Variants in CCSER2 observed in about 807,000 individuals in gnomAD.
CCSER2 encodes the protein coiled-coil serine rich protein 2, also known as serine-rich coiled-coil domain-containing protein 2.
Under a neutral mutation model 92.3 loss-of-function variants are expected in CCSER2, and 46 were observed. That is an observed-to-expected ratio of 0.50 (90% confidence interval 0.39 to 0.64). The LOEUF is 0.64. Among genes scored for constraint, CCSER2 ranks in the 30% least tolerant of loss-of-function variants. The probability of loss-of-function intolerance (pLI) is 0.00; values close to 1 mark genes in which losing one functional copy is unlikely to be tolerated. For synonymous variants in CCSER2, 433 were observed against 431.4 expected (o/e 1.00, Z -0.04); for missense variants, 1,244 against 1,238.9 (o/e 1.00, Z -0.06).
intron 6 of CCSER2, 84 bp downstream of exon 6, chr10:84,438,791 C>T (rs933768887): frequency 1.3e-6 from 1 of 792,510 alleles, no homozygotes; most frequent in Non-Finnish European, 2.0e-6. Flanking sequence ...AAAATACTTA[C>T]TGGGTTTCTC....
intron 1 of CCSER2, among the ~76,000 whole-genome samples, chr10:84,365,343 TC>T (rs1181835215): frequency 6.6e-6 from 1 of 152,204 alleles, no homozygotes; most frequent in Non-Finnish European, 1.5e-5. Context: ...TGAAGCAGAC[TC>T]ACAATGTCTA....
chr10:84,394,961 T>C (rs891035763), intron 3 of CCSER2, among the ~76,000 whole-genome samples: 1 of 152,086 alleles, frequency 6.6e-6, no homozygotes, highest in African/African-American at 2.4e-5. Context: ...CGGTGGATCA[T>C]GCCTGTAATT....
chr10:84,365,557 C>T (rs191191248), intron 1 of CCSER2, among the ~76,000 whole-genome samples: 120 of 152,322 alleles, frequency 7.9e-4, no homozygotes, highest in African/African-American at 2.8e-3. Flanking sequence ...ATTTAGAAAT[C>T]GTTATTCTTC....
In CCSER2 at chr10:84,394,379, G is replaced by A. The variant is rs567667377; in HGVS notation, c.1614+20564G>A. On this transcript the variant is annotated intron_variant, in intron 3 of 9. Coordinates refer to ENST00000372088, the MANE Select transcript of CCSER2 (RefSeq NM_001284240.2). ...GCATATGCTCTTGAAATAACAAAAG[G>A]AAAGTATGTGTGTGTGTGTGTGTGT... is the stretch of plus-strand genomic sequence containing the variant. Among the ~76,000 whole-genome samples, 1,168 of 124,756 alleles carry A rather than the reference G, an allele frequency of 9.4e-3. 8 individuals carry two copies. Among genetic ancestry groups the A allele is most frequent in the South Asian group, 0.035 (135 of 3,864 alleles). The allele number at this position is 124,756 out of a possible 152,430, so 81.8% of individuals were successfully genotyped here. A position where few individuals can be genotyped will look rare whatever the true frequency, so the allele number is the denominator to read the frequency against.
chr10:84,341,541 A>C (rs1168742877), intron 1 of CCSER2, among the ~76,000 whole-genome samples: 6 of 151,978 alleles, frequency 3.9e-5, no homozygotes, highest in Non-Finnish European at 7.4e-5. Flanking sequence ...ACACCAAGCA[A>C]TTCTGACACC....
chr10:84,425,381 A>C (rs1189281432), intron 4 of CCSER2, among the ~76,000 whole-genome samples: 1 of 152,226 alleles, frequency 6.6e-6, no homozygotes, highest in Admixed American at 6.5e-5. Flanking sequence ...ATCAGAGCCA[A>C]CTTGTGACAG....
chr10:84,492,420 AG>A (rs1239937327), intron 9 of CCSER2, among the ~76,000 whole-genome samples: 1 of 152,164 alleles, frequency 6.6e-6, no homozygotes, highest in African/African-American at 2.4e-5. Context: ...ATCTGTAAAT[AG>A]TAACAGTGTT....
intron 9 of CCSER2, among the ~76,000 whole-genome samples, chr10:84,500,753 A>C (rs1221663334): frequency 6.6e-6 from 1 of 152,206 alleles, no homozygotes; most frequent in Non-Finnish European, 1.5e-5. Flanking sequence ...ACAGTCAATC[A>C]GAGGTATTTT....
chr10:84,490,247 T>C (rs926812088), intron 9 of CCSER2, among the ~76,000 whole-genome samples: 22 of 152,192 alleles, frequency 1.4e-4, no homozygotes, highest in African/African-American at 5.3e-4. Flanking sequence ...GGATTATCTT[T>C]GCGGCGTTCT....
chr10:84,381,293 A>G (rs1217125132), intron 3 of CCSER2, among the ~76,000 whole-genome samples: 2 of 152,214 alleles, frequency 1.3e-5, no homozygotes, highest in African/African-American at 4.8e-5. Context: ...CGAAGTTGGT[A>G]TTAGGCACAA....
intron 1 of CCSER2, among the ~76,000 whole-genome samples, chr10:84,343,464 T>C (rs553146577): frequency 2.1e-4 from 32 of 152,330 alleles, no homozygotes; most frequent in Admixed American, 7.2e-4. Flanking sequence ...TCCTGGGTAT[T>C]ATACAAAACA....
At position 84,438,504 on chromosome 10, in the gene CCSER2, C is replaced by A; in HGVS notation, c.1869-8C>A. 1 of 1,532,094 alleles carries A rather than the reference C, an allele frequency of 6.5e-7. No individual in the cohort carries two copies. The highest frequency in any genetic ancestry group is 8.9e-7 in the Non-Finnish European group (1 of 1,129,604). The allele number at this position is 1,532,094 out of a possible 1,614,324, so 94.9% of individuals were successfully genotyped here. ...CTTTTCCCTCCACCTTCTTCCCTGC[C>A]CTTCCAGAGGCTCTCCCTATAGAGA... On this transcript the variant is annotated splice_polypyrimidine_tract_variant and splice_region_variant and intron_variant, in intron 5 of 9. Coordinates refer to ENST00000372088, the MANE Select transcript of CCSER2 (RefSeq NM_001284240.2).
intron 9 of CCSER2, among the ~76,000 whole-genome samples, chr10:84,507,724 T>C (rs554865636): frequency 2.0e-5 from 3 of 152,320 alleles, no homozygotes; most frequent in South Asian, 4.1e-4. Context: ...ATGCTAATGC[T>C]GTAGATCTTT....
intron 1 of CCSER2, among the ~76,000 whole-genome samples, chr10:84,365,602 CT>C (rs1443114485): frequency 1.3e-5 from 2 of 152,160 alleles, no homozygotes; most frequent in Admixed American, 6.5e-5. Flanking sequence ...TAACATTATT[CT>C]TTTCCCCCAC....
At chr10:84,364,053 A>C (rs1389706374) in intron 1 of CCSER2, among the ~76,000 whole-genome samples, 1 of 151,670 alleles carries the variant, frequency 6.6e-6, no homozygotes, top group Admixed American at 6.6e-5. Flanking sequence ...GTAAACATAG[A>C]AAAGTTACAA....
At chr10:84,348,237 G>C (rs1414753627) in intron 1 of CCSER2, among the ~76,000 whole-genome samples, 1 of 152,224 alleles carries the variant, frequency 6.6e-6, no homozygotes, top group Non-Finnish European at 1.5e-5. Flanking sequence ...GATCACTCGC[G>C]GTTAGGAGCT....
At chr10:84,384,296 T>C (rs1446511849) in intron 3 of CCSER2, among the ~76,000 whole-genome samples, 1 of 152,094 alleles carries the variant, frequency 6.6e-6, no homozygotes, top group African/African-American at 2.4e-5. Flanking sequence ...ATCATCCTGG[T>C]ACCCAAATCT....
At chr10:84,400,460 C>T (rs369893906) in intron 3 of CCSER2, among the ~76,000 whole-genome samples, 21 of 152,224 alleles carry the variant, frequency 1.4e-4, no homozygotes, top group African/African-American at 2.4e-4. Flanking sequence ...TGTGAGCCAC[C>T]GCACCCAGCC....
At chr10:84,491,573 G>A (rs1190758834) in intron 9 of CCSER2, among the ~76,000 whole-genome samples, 3 of 152,172 alleles carry the variant, frequency 2.0e-5, no homozygotes, top group African/African-American at 7.2e-5. Flanking sequence ...TGTGCCGTTT[G>A]CTAAGACTGT....
Sources: gnomAD v4.1 joint callset for allele counts (sites outside exome capture counted in the v4.1 genomes callset) on GRCh38, gnomAD v4.1.1 for gene constraint, MANE v1.5 for transcripts, NCBI Gene and HGNC (gene_info 2026-07-23, HGNC 2026-07-21) for gene names.